ACTR2: variants seen among roughly 807,000 people sequenced by gnomAD.
The protein encoded by ACTR2 is actin-related protein 2.
ACTR2 carries 5 observed loss-of-function variants against 50.2 expected under a neutral mutation model. The ratio of observed to expected loss-of-function variants is 0.10; its 90% CI spans 0.05 to 0.21. ACTR2 has a LOEUF of 0.21. Ranked by LOEUF, ACTR2 falls within the 10% of genes least tolerant of loss-of-function variation. The probability of loss-of-function intolerance (pLI) is 1.00; values close to 1 mark genes in which losing one functional copy is unlikely to be tolerated. For synonymous variants in ACTR2, 140 were observed against 162.9 expected, an observed-to-expected ratio of 0.86 and a Z score of 1.07; for missense variants, 180 against 480.6, an observed-to-expected ratio of 0.37 and a Z score of 5.85.
At chr2:65,245,922 A>G (rs985578947) in intron 2 of ACTR2, among the ~76,000 whole-genome samples, 1 of 152,208 alleles carries the variant, frequency 6.6e-6, no homozygotes, top group Middle Eastern at 3.2e-3. Context: ...ACAAATTCTC[A>G]TTCACCTTGG....
intron 6 of ACTR2, among the ~76,000 whole-genome samples, chr2:65,260,243 C>T (rs1672241991): frequency 6.6e-6 from 1 of 152,214 alleles, no homozygotes; most frequent in Non-Finnish European, 1.5e-5. Flanking sequence ...CGCAGTGGTT[C>T]ATGCTTGTAA....
Position 65,268,038 on chromosome 2 carries a change from T to C in ACTR2, c.1015-526T>C, listed in dbSNP as rs561946478. Among the ~76,000 whole-genome samples, 28 of 151,892 alleles carry C rather than the reference T, an allele frequency of 1.8e-4. No homozygotes were observed. In the South Asian group the frequency reaches 3.7e-3, roughly 20 times the overall value. On this transcript the variant is annotated intron_variant, in intron 8 of 8. Coordinates refer to ENST00000260641, the MANE Select transcript of ACTR2 (RefSeq NM_005722.4). ...ATTTTTAGTAGAGACGGGGTTTCAC[T>C]GTGTTAGCCAGGATGGTCTCGATCT...
At chr2:65,258,770 A>G (rs1007748910) in intron 6 of ACTR2, among the ~76,000 whole-genome samples, 2 of 152,132 alleles carry the variant, frequency 1.3e-5, no homozygotes, top group East Asian at 1.9e-4. Flanking sequence ...CATTAAGGTG[A>G]TTAGAAAACT....
intron 2 of ACTR2, chr2:65,241,907 T>C: frequency 1.1e-6 from 1 of 941,350 alleles, no homozygotes; most frequent in East Asian, 2.5e-5. Context: ...CTCCATTAAA[T>C]ATAGTAGTAC....
chr2:65,263,045 CTTG>C (rs756419698), intron 7 of ACTR2, among the ~76,000 whole-genome samples: 39 of 150,338 alleles, frequency 2.6e-4, no homozygotes, highest in Non-Finnish European at 1.5e-4. Context: ...GTTTAAGGGA[CTTG>C]TTTGTTTGTT....
In ACTR2 at chr2:65,250,834, G is replaced by T. The variant is rs268854; in HGVS notation, c.376-193G>T. 0.13 allele frequency among the ~76,000 whole-genome samples: 20,115 copies of T among 152,184 alleles called. 1,857 individuals carry two copies. Among genetic ancestry groups the T allele is most frequent in the Non-Finnish European group, 0.2 (13,448 of 67,982 alleles). ...GAAATGCTTGGGGACTTAGAAATCT[G>T]TCTTCAGATTTGGAGCTCTGTGGCA... On this transcript the variant is annotated intron_variant, in intron 3 of 8. Coordinates refer to ENST00000260641, the MANE Select transcript of ACTR2 (RefSeq NM_005722.4).
intron 8 of ACTR2, among the ~76,000 whole-genome samples, chr2:65,266,353 G>A (rs1357628856): frequency 1.3e-5 from 2 of 152,160 alleles, no homozygotes; most frequent in African/African-American, 4.8e-5. Flanking sequence ...AGTGAGCCTT[G>A]TGACTGTCTG....
At chr2:65,235,169 G>T (rs1671715917) in intron 1 of ACTR2, among the ~76,000 whole-genome samples, 1 of 149,810 alleles carries the variant, frequency 6.7e-6, no homozygotes, top group East Asian at 1.9e-4. Context: ...GTGTGTGAGA[G>T]GTGTGTGTGT....
chr2:65,232,411 G>A (rs944904158), intron 1 of ACTR2, among the ~76,000 whole-genome samples: 3 of 152,122 alleles, frequency 2.0e-5, no homozygotes, highest in African/African-American at 4.8e-5. Context: ...CTGCTTTATC[G>A]GGCTTATGCT....
At position 65,270,425 on chromosome 2, in the gene ACTR2, T is replaced by A. The variant is rs1046444819; in HGVS notation, c.*1691T>A. Reference sequence around the variant, plus strand: ...GATAAGTTTGCCTGCATGCTGGACATGCCTCAGAACCCTGAATAGCCCGTA... The same window carrying A: ...GATAAGTTTGCCTGCATGCTGGACAAGCCTCAGAACCCTGAATAGCCCGTA... On this transcript the variant is annotated 3_prime_UTR_variant, in exon 9 of 9. Transcript: ENST00000260641. 12 of 152,778 alleles carry A rather than the reference T, an allele frequency of 7.9e-5. No homozygotes were observed. Among genetic ancestry groups the A allele is most frequent in the African/African-American group, 2.6e-4 (11 of 41,580 alleles). The allele number at this position is 152,778 out of a possible 1,614,324, so 9.5% of individuals were successfully genotyped here.
At position 65,232,668 on chromosome 2, in the gene ACTR2, G is replaced by GA. The variant is rs569600127; in HGVS notation, c.48+4721dup. Among the ~76,000 whole-genome samples the GA allele has an allele frequency of 9.0e-3, 1,322 of 147,488 alleles. 9 individuals carry two copies. Among genetic ancestry groups the GA allele is most frequent in the African/African-American group, 0.024 (952 of 40,408 alleles). The stretch of plus-strand genomic sequence containing the variant: ...TCCCAGGTTATTATTTTTTTGAAGA[G>GA]AAAAAAAAAATGTACTTTTAGAGCA... On this transcript the variant is annotated intron_variant, in intron 1 of 8. Coordinates refer to ENST00000260641, the MANE Select transcript of ACTR2 (RefSeq NM_005722.4).
At chr2:65,252,077 G>A (rs1672062889) in intron 4 of ACTR2, among the ~76,000 whole-genome samples, 1 of 152,020 alleles carries the variant, frequency 6.6e-6, no homozygotes, top group South Asian at 2.1e-4. Context: ...AAGTGTGTTT[G>A]GAGAAAGGCC....
chr2:65,255,782 C>T (rs938623920), intron 6 of ACTR2, 88 bp downstream of exon 6: 1 of 1,278,442 alleles, frequency 7.8e-7, no homozygotes, highest in Non-Finnish European at 1.1e-6. Context: ...TTCTTAGAAT[C>T]AGTATTTTTG....
intron 7 of ACTR2, 37 bp downstream of exon 7, chr2:65,261,429 G>GA: frequency 6.4e-7 from 1 of 1,559,830 alleles, no homozygotes; most frequent in Non-Finnish European, 8.7e-7. Context: ...TTATTTATCA[G>GA]AAAAATCATA....
At chr2:65,256,033 A>G (rs1672143323) in intron 6 of ACTR2, among the ~76,000 whole-genome samples, 1 of 152,216 alleles carries the variant, frequency 6.6e-6, no homozygotes, top group Non-Finnish European at 1.5e-5. Flanking sequence ...AGCATTTCAC[A>G]AAAATTAAAA....
chr2:65,270,116 T>C lies in ACTR2; in HGVS notation c.*1382T>C, dbSNP rs1454027604. Reference sequence around the variant, plus strand: ...AATAGTACCATACATGAGTTATTTCTAAGTTTGAAAAATAAAAAGAAATTG... The same window carrying C: ...AATAGTACCATACATGAGTTATTTCCAAGTTTGAAAAATAAAAAGAAATTG... On this transcript the variant is annotated 3_prime_UTR_variant, in exon 9 of 9. Coordinates refer to ENST00000260641, the MANE Select transcript of ACTR2 (RefSeq NM_005722.4). 3.3e-5 allele frequency: 5 copies of C among 152,240 alleles called. No individual in the cohort carries two copies. Among genetic ancestry groups the C allele is most frequent in the Non-Finnish European group, 7.3e-5 (5 of 68,044 alleles). 9.4% of individuals were successfully genotyped at this position (152,240 alleles called of 1,614,324 possible). A position where few individuals can be genotyped will look rare whatever the true frequency, so the allele number is the denominator to read the frequency against.
At chr2:65,263,553 T>C (rs1036986026) in intron 7 of ACTR2, among the ~76,000 whole-genome samples, 2 of 152,198 alleles carry the variant, frequency 1.3e-5, no homozygotes, top group Non-Finnish European at 2.9e-5. Flanking sequence ...TAATTAATTT[T>C]GATGGGATGG....
chr2:65,266,684 G>C (rs1022571426), intron 8 of ACTR2, among the ~76,000 whole-genome samples: 4 of 152,102 alleles, frequency 2.6e-5, no homozygotes, highest in Non-Finnish European at 4.4e-5. Flanking sequence ...GACCAGTTAG[G>C]AGGCACTGAG....
At chr2:65,255,004 G>T (rs1460674368) in intron 5 of ACTR2, among the ~76,000 whole-genome samples, 1 of 151,870 alleles carries the variant, frequency 6.6e-6, no homozygotes, top group Non-Finnish European at 1.5e-5. Context: ...AAAAATAGTA[G>T]TATTTTCTAG....
Sources: allele counts gnomAD v4.1 joint callset (sites outside exome capture counted in the v4.1 genomes callset), GRCh38; gene constraint gnomAD v4.1.1; transcripts MANE v1.5; gene names NCBI Gene and HGNC (gene_info 2026-07-23, HGNC 2026-07-21).